Variants in SLC34A3 observed in about 807,000 individuals in gnomAD.
SLC34A3 encodes the protein sodium-dependent phosphate transport protein 2C.
A neutral mutation model predicts 43.9 loss-of-function variants in SLC34A3; 60 were observed. The ratio of observed to expected loss-of-function variants is 1.37; its 90% CI spans 1.11 to 1.70. SLC34A3 has a LOEUF of 1.70. SLC34A3 is among the 40% of genes most tolerant of loss of function. The probability of loss-of-function intolerance (pLI) is 0.00; values close to 1 mark genes in which losing one functional copy is unlikely to be tolerated. For synonymous variants in SLC34A3, 451 were observed against 386.2 expected (o/e 1.17, Z -1.97); for missense variants, 969 against 823.8 (o/e 1.18, Z -2.16).
Position 137,233,127 on chromosome 9 carries a change from G to A in SLC34A3, c.560+12G>A. The A allele has an allele frequency of 3.1e-6, 5 of 1,604,540 alleles. No individual in the cohort carries two copies. The highest frequency in any genetic ancestry group is 4.2e-6 in the Non-Finnish European group (5 of 1,176,918). The stretch of plus-strand genomic sequence containing the variant: ...GATGAATTTCAGAGGTGAGTTGTGG[G>A]TGGAAGGGCTGGGCTGGGGCTGCAG... On this transcript the variant is annotated intron_variant, in intron 6 of 12. Transcript: ENST00000673835.
chr9:137,233,781 C>CCCCCCCCCCCCCCCCA, intron 8 of SLC34A3, 59 bp downstream of exon 8: 1 of 690,494 alleles, frequency 1.4e-6, no homozygotes, highest in Non-Finnish European at 2.4e-6. Context: ...CTGAGTCATC[C>CCCCCCCCCCCCCCCCA]CGCCCCACCC....
At position 137,232,762 on chromosome 9, in the gene SLC34A3, C is replaced by G. The variant is rs1050390872; in HGVS notation, c.305-22C>G. On this transcript the variant is annotated intron_variant, in intron 4 of 12. Coordinates refer to ENST00000673835, the MANE Select transcript of SLC34A3 (RefSeq NM_001177316.2). ...GGCAACCAGCCCTCCGCAGCTTCAG[C>G]GCACCTCTCTTGCCGGTGTAGGCAA... 3 of 1,612,816 alleles carry G rather than the reference C, an allele frequency of 1.9e-6. No homozygotes were observed. In the African/African-American group the frequency reaches 4.0e-5, roughly 22 times the overall value.
At chr9:137,231,991 C>G (rs530496132) in intron 2 of SLC34A3, 81 bp from the exon 3 acceptor site, 6 of 1,391,416 alleles carry the variant, frequency 4.3e-6, no homozygotes, top group African/African-American at 1.4e-5. Flanking sequence ...CGCCTCAGCC[C>G]GTCCTCCGGC....
In SLC34A3 at chr9:137,233,238, T is replaced by G; in HGVS notation, c.590T>G (p.Ile197Ser). Reference protein sequence around the residue: ...RAFSGSAVHGIFNWLTVLVLL... With the variant: ...RAFSGSAVHGSFNWLTVLVLL... ...TTCAGCGGCTCGGCGGTGCACGGGATCTTCAACTGGCTCACAGTGCTGGTC... is the reference window on the plus strand; with the variant it reads ...TTCAGCGGCTCGGCGGTGCACGGGAGCTTCAACTGGCTCACAGTGCTGGTC... Residue 197 changes from isoleucine to serine, a missense_variant, in exon 7 of 13, where the codon ATC becomes AGC. Coordinates refer to ENST00000673835, the MANE Select transcript of SLC34A3 (RefSeq NM_001177316.2). 2 of 1,576,382 alleles carry G rather than the reference T, an allele frequency of 1.3e-6. No individual in the cohort carries two copies. The highest frequency in any genetic ancestry group is 1.7e-6 in the Non-Finnish European group (2 of 1,161,432).
chr9:137,231,410 G>GGA (rs1836205997), intron 1 of SLC34A3, among the ~76,000 whole-genome samples: 1 of 152,198 alleles, frequency 6.6e-6, no homozygotes, highest in Admixed American at 6.5e-5. Flanking sequence ...GACCAGCAAG[G>GGA]GAGCCGGGGA....
At chr9:137,235,181 G>A (rs913087104) in intron 12 of SLC34A3, among the ~76,000 whole-genome samples, 10 of 151,702 alleles carry the variant, frequency 6.6e-5, no homozygotes, top group Admixed American at 1.3e-4. Flanking sequence ...CTGCCCTGCC[G>A]CTGCCAGGGC....
Position 137,236,162 on chromosome 9 carries a change from G to T in SLC34A3, c.1546G>T (p.Ala516Ser), listed in dbSNP as rs575563612. The T allele has an allele frequency of 1.9e-6, 3 of 1,607,774 alleles. No individual in the cohort carries two copies. The highest frequency in any genetic ancestry group is 2.5e-6 in the Non-Finnish European group (3 of 1,178,418). ...CCTGGCAGGGGGCATGGAGCTGGCC[G>T]CTGTCGGGGGTCCCCTGGTGGGGCT... ...LSLAGGMELA[A>S]VGGPLVGLVL... Residue 516 changes from alanine (A) to serine (S), a missense_variant, in exon 13 of 13, where the codon GCT (alanine) becomes TCT (serine). Coordinates refer to ENST00000673835, the MANE Select transcript of SLC34A3 (RefSeq NM_001177316.2).
chr9:137,235,382 G>A (rs1448553737), intron 12 of SLC34A3, among the ~76,000 whole-genome samples: 2 of 152,164 alleles, frequency 1.3e-5, no homozygotes, highest in South Asian at 2.1e-4. Flanking sequence ...AGAGACAAGT[G>A]CGGCACCCCC....
chr9:137,235,631 C>T (rs964544049), intron 12 of SLC34A3, among the ~76,000 whole-genome samples: 9 of 152,338 alleles, frequency 5.9e-5, no homozygotes, highest in Middle Eastern at 3.4e-3. Context: ...ACTGAGGAGA[C>T]GGGGTCTCTT....
chr9:137,232,944 TC>T lies in SLC34A3; in HGVS notation c.448+21del. The T allele has an allele frequency of 1.0e-6, 1 of 994,876 alleles. No individual in the cohort carries two copies. The highest frequency in any genetic ancestry group is 1.5e-6 in the Non-Finnish European group (1 of 667,394). The allele number at this position is 994,876 out of a possible 1,614,324, so 61.6% of individuals were successfully genotyped here. A position where few individuals can be genotyped will look rare whatever the true frequency, so the allele number is the denominator to read the frequency against. On this transcript the variant is annotated intron_variant, in intron 5 of 12. Coordinates refer to ENST00000673835, the MANE Select transcript of SLC34A3 (RefSeq NM_001177316.2). ...CTGCTAAGCGTGGGTGCACACTCCC[TC>T]CCCGGGTGGTGGGGGGGGCAGGGTG...
At chr9:137,230,855 T>C (rs904197749), upstream of SLC34A3, 2 of 152,192 alleles carry the variant, frequency 1.3e-5, no homozygotes, top group African/African-American at 4.8e-5. Flanking sequence ...CAGCAGGTCA[T>C]GTGCGCGATC....
intron 12 of SLC34A3, among the ~76,000 whole-genome samples, chr9:137,235,342 C>T (rs1836524943): frequency 6.6e-6 from 1 of 152,202 alleles, no homozygotes; most frequent in Admixed American, 6.5e-5. Context: ...TCCCGAAACT[C>T]CGGGTCATGC....
Position 137,233,659 on chromosome 9 carries a change from T to C in SLC34A3, c.783T>C (p.Ser261=). The change falls in exon 8 of 13, where the codon AGT becomes AGC. Residue 261 remains serine (S), a synonymous_variant. Coordinates refer to ENST00000673835, the MANE Select transcript of SLC34A3 (RefSeq NM_001177316.2). ...TGGACTCCGACATGATCATGAGCAG[T>C]GCCACAGGCAACGCCACTAACAGCA... ...VQLDSDMIMS[S]ATGNATNSSL... 3.1e-6 allele frequency: 5 copies of C among 1,612,752 alleles called. No individual in the cohort carries two copies. Among genetic ancestry groups the C allele is most frequent in the Non-Finnish European group, 4.2e-6 (5 of 1,179,926 alleles).
At chr9:137,232,535 G>T in intron 3 of SLC34A3, 40 bp from the exon 4 acceptor site, 6 of 1,609,290 alleles carry the variant, frequency 3.7e-6, no homozygotes, top group South Asian at 1.1e-5. Flanking sequence ...ACCTGTCAGG[G>T]TGGAGGGCCA....
chr9:137,235,950 A>G lies in SLC34A3; in HGVS notation c.1336-2A>G, dbSNP rs1239931619. 1 of 1,611,088 alleles carries G rather than the reference A, an allele frequency of 6.2e-7. No homozygotes were observed. Among genetic ancestry groups the G allele is most frequent in the East Asian group, 2.2e-5 (1 of 44,884 alleles). On this transcript the variant is annotated splice_acceptor_variant, in intron 12 of 12. Coordinates refer to ENST00000673835, the MANE Select transcript of SLC34A3 (RefSeq NM_001177316.2). LOFTEE classifies it high-confidence loss of function. ...GGCCCCTGACAGCCCCCTCGCCCCC[A>G]GGTCGCCCTCATCCACTTCTTCTTC...
intron 1 of SLC34A3, 46 bp downstream of exon 1, chr9:137,230,984 G>C (rs745901756): frequency 6.5e-6 from 1 of 152,716 alleles, no homozygotes; most frequent in Admixed American, 6.5e-5. Flanking sequence ...CAGTGAGGCC[G>C]AGGCTGGGTG....
At position 137,235,299 on chromosome 9, in the gene SLC34A3, C is replaced by T. The variant is rs540413081; in HGVS notation, c.1335+568C>T. Among the ~76,000 whole-genome samples the T allele has an allele frequency of 1.4e-4, 21 of 152,312 alleles. No individual in the cohort carries two copies. In the South Asian group the frequency reaches 3.5e-3, roughly 26 times the overall value. ...TTCTCCCTCTAAAACAGCCCGTCTGCGGCCTGCTGCCCGGAGGCCCAACAG... is the reference window on the plus strand; with the variant it reads ...TTCTCCCTCTAAAACAGCCCGTCTGTGGCCTGCTGCCCGGAGGCCCAACAG... On this transcript the variant is annotated intron_variant, in intron 12 of 12. Transcript: ENST00000673835.
At position 137,233,351 on chromosome 9, in the gene SLC34A3, G is replaced by A. The variant is rs751271987; in HGVS notation, c.703G>A (p.Ala235Thr). The A allele has an allele frequency of 1.3e-5, 21 of 1,606,310 alleles. No homozygotes were observed. Among genetic ancestry groups the A allele is most frequent in the Non-Finnish European group, 1.6e-5 (19 of 1,177,554 alleles). The change falls in exon 7 of 13, where the codon GCG becomes ACG. Residue 235 changes from alanine (A) to threonine (T), a missense_variant. Ala to Thr is a moderately conservative substitution (Grantham distance 58). Transcript: ENST00000673835. ...GAASLTPRAQ[A>T]PDILKVLTKP... ...CGCCAGCCTGACACCCAGGGCGCAG[G>A]CGCCCGACATCCTCAAGGTGCTGAC...
chr9:137,236,538 AC>A lies in SLC34A3; in HGVS notation c.*124del. ...CCTGCTTCCCCTTCTGTGCAAATAA[AC>A]CAGGCTGTTATCTGGGGTGGCGGTC... is the stretch of plus-strand genomic sequence containing the variant. On this transcript the variant is annotated 3_prime_UTR_variant, in exon 13 of 13. Coordinates refer to ENST00000673835, the MANE Select transcript of SLC34A3 (RefSeq NM_001177316.2). 2 of 878,904 alleles carry A rather than the reference AC, an allele frequency of 2.3e-6. No homozygotes were observed. Among genetic ancestry groups the A allele is most frequent in the Non-Finnish European group, 3.6e-6 (2 of 551,488 alleles). The allele number at this position is 878,904 out of a possible 1,614,324, so 54.4% of individuals were successfully genotyped here.
Sources: gnomAD v4.1 joint callset for allele counts (sites outside exome capture counted in the v4.1 genomes callset) on GRCh38, gnomAD v4.1.1 for gene constraint, MANE v1.5 for transcripts, NCBI Gene and HGNC (gene_info 2026-07-23, HGNC 2026-07-21) for gene names.